RGS12: variants seen among roughly 807,000 people sequenced by gnomAD.
RGS12 encodes the protein regulator of G-protein signaling 12.
RGS12 carries 66 observed loss-of-function variants against 120.1 expected under a neutral mutation model. The ratio of observed to expected loss-of-function variants is 0.55; its 90% CI spans 0.45 to 0.67. The LOEUF is 0.67. RGS12 is among the 30% of genes least tolerant of loss of function. The pLI, the probability that RGS12 is intolerant of heterozygous loss-of-function variation, is 0.00. For missense variants in RGS12, 1,859 were observed against 1,957.7 expected (o/e 0.95, Z 0.95); for synonymous variants, 827 against 804.7 (o/e 1.03, Z -0.47).
upstream of RGS12, among the ~76,000 whole-genome samples, chr4:3,288,613 C>A (rs1722951850): frequency 6.6e-6 from 1 of 152,190 alleles, no homozygotes; most frequent in African/African-American, 2.4e-5. The surrounding 1 kb of genome is among the most constrained non-coding windows in gnomAD (Gnocchi z 5.2). Flanking sequence ...CAAGCAAGCC[C>A]CCAAAGTCTG....
chr4:3,423,572 C>T lies in RGS12; in HGVS notation c.3165C>T (p.Pro1055=), dbSNP rs138192478. 2,109 of 1,612,898 alleles carry T rather than the reference C, an allele frequency of 1.3e-3. 33 individuals are homozygous for T. The East Asian group carries it at 0.035, about 26-fold the overall frequency. ...SVGLKAKPTK[P]VTEVLRPVVA... is the part of the protein sequence containing the mutation. ...GACTCAAGGCCAAGCCCACCAAGCC[C>T]GTCACGGAGGTGCTGCGGCCCGTGG... Residue 1055 remains proline, a synonymous_variant, in exon 13 of 18, where the codon CCC becomes CCT. Transcript: ENST00000336727.
chr4:3,379,442 A>G (rs2108934218), intron 3 of RGS12, among the ~76,000 whole-genome samples: 1 of 152,380 alleles, frequency 6.6e-6, no homozygotes, highest in South Asian at 2.1e-4. Flanking sequence ...CTTGATTGTG[A>G]TAATCATATT....
rs1461705807 is a variant in RGS12, at chr4:3,293,030, G to A, written c.-171G>A. The stretch of plus-strand genomic sequence containing the variant: ...GACCCCGGGGGGCGGTGGCTGCCGA[G>A]GCGACCGTTGCGCGCGCGGGCGGTG... On this transcript the variant is annotated 5_prime_UTR_variant, in exon 1 of 18. Transcript: ENST00000336727. 6.7e-6 allele frequency: 1 copy of A among 149,116 alleles called. No individual in the cohort carries two copies. The highest frequency in any genetic ancestry group is 1.5e-5 in the Non-Finnish European group (1 of 66,648). 9.2% of individuals were successfully genotyped at this position (149,116 alleles called of 1,614,324 possible).
chr4:3,307,136 G>C lies in RGS12; in HGVS notation c.-101-8934G>C, dbSNP rs575130462. 1.6e-4 allele frequency among the ~76,000 whole-genome samples: 24 copies of C among 152,372 alleles called. 1 individual carries two copies. In the East Asian group the frequency reaches 4.4e-3, roughly 28 times the overall value. ...TAACTGCCTCCCCCCACAAGCTTAG[G>C]AGCTTTATGGGATGTGTTGCCGCTG... On this transcript the variant is annotated intron_variant, in intron 1 of 17. Coordinates refer to ENST00000336727, the MANE Select transcript of RGS12 (RefSeq NM_001394154.1).
intron 2 of RGS12, among the ~76,000 whole-genome samples, chr4:3,332,868 AGGCT>A (rs759145841): frequency 6.6e-6 from 1 of 152,176 alleles, no homozygotes; most frequent in Non-Finnish European, 1.5e-5. Context: ...TTTGTCACCC[AGGCT>A]GGAGTGCAGT....
In RGS12 at chr4:3,423,027, C is replaced by T. The variant is rs537597030; in HGVS notation, c.3107+49C>T. 3.7e-5 allele frequency: 54 copies of T among 1,457,688 alleles called. 1 individual carries two copies. The Admixed American group carries it at 4.5e-4, about 12-fold the overall frequency. 90.3% of individuals were successfully genotyped at this position (1,457,688 alleles called of 1,614,324 possible). ...CACCTGAGGCTCCCAGAGCCAACCC[C>T]GTGTGCCCACCACCTGCTGGTCTCT... is the stretch of plus-strand genomic sequence containing the variant. On this transcript the variant is annotated intron_variant, in intron 12 of 17. Coordinates refer to ENST00000336727, the MANE Select transcript of RGS12 (RefSeq NM_001394154.1).
intron 2 of RGS12, among the ~76,000 whole-genome samples, chr4:3,342,170 C>A (rs1373190165): frequency 6.6e-6 from 1 of 152,070 alleles, no homozygotes; most frequent in Non-Finnish European, 1.5e-5. Flanking sequence ...GCCTCAAAAT[C>A]TTGACATAAA....
intron 10 of RGS12, 106 bp from the exon 11 acceptor site, chr4:3,422,270 A>G (rs1723096590): frequency 1.7e-6 from 2 of 1,156,826 alleles, no homozygotes; most frequent in South Asian, 3.1e-5. Context: ...GCAGGGCGCC[A>G]GCCTCCCCAG....
intron 1 of RGS12, chr4:3,313,023 GT>G (rs1724506246): frequency 6.6e-6 from 1 of 152,230 alleles, no homozygotes; most frequent in Non-Finnish European, 1.5e-5. Context: ...CTGCACTCCA[GT>G]CTGGGCAATG....
chr4:3,301,776 C>T (rs978292824), intron 1 of RGS12, among the ~76,000 whole-genome samples: 1 of 150,964 alleles, frequency 6.6e-6, no homozygotes, highest in Non-Finnish European at 1.5e-5. Flanking sequence ...GGGTGGGGGG[C>T]GCAGAGGTGA....
intron 3 of RGS12, among the ~76,000 whole-genome samples, chr4:3,382,236 T>TAA (rs939853582): frequency 6.6e-6 from 1 of 152,208 alleles, no homozygotes; most frequent in Non-Finnish European, 1.5e-5. Flanking sequence ...ACATAACTTC[T>TAA]AAAAGTTCTT....
chr4:3,305,471 C>G (rs1384270263), intron 1 of RGS12, among the ~76,000 whole-genome samples: 1 of 152,234 alleles, frequency 6.6e-6, no homozygotes, highest in Non-Finnish European at 1.5e-5. Flanking sequence ...TAAACTGGCT[C>G]TAGGTGGGCT....
chr4:3,428,065 A>T (rs779844249), intron 14 of RGS12, 25 bp from the exon 15 acceptor site: 1 of 1,604,634 alleles, frequency 6.2e-7, no homozygotes, highest in Non-Finnish European at 8.5e-7. Context: ...GAGTCCCTGA[A>T]GTCATAAAGC....
intron 6 of RGS12, among the ~76,000 whole-genome samples, chr4:3,415,601 C>T (rs574788608): frequency 2.8e-4 from 42 of 152,310 alleles, no homozygotes; most frequent in African/African-American, 9.9e-4. Flanking sequence ...CCTCAGTTGG[C>T]CTGTGGCCTG....
intron 2 of RGS12, chr4:3,342,322 C>G (rs1393436316): frequency 7.0e-6 from 7 of 993,920 alleles, no homozygotes; most frequent in East Asian, 1.4e-4. Context: ...GGGGAAGTGT[C>G]TAGCATAATG....
chr4:3,361,027 G>A (rs1715505357), intron 3 of RGS12, among the ~76,000 whole-genome samples: 3 of 152,234 alleles, frequency 2.0e-5, no homozygotes, highest in Admixed American at 6.5e-5. Context: ...CAGCCTGACT[G>A]CCCACCAGTG....
intron 3 of RGS12, among the ~76,000 whole-genome samples, chr4:3,379,611 C>A (rs1267680515): frequency 6.6e-6 from 1 of 152,098 alleles, no homozygotes; most frequent in East Asian, 1.9e-4. Context: ...TTTCACATGG[C>A]TGGGGAGGCC....
intron 3 of RGS12, among the ~76,000 whole-genome samples, chr4:3,344,076 G>A (rs1467663693): frequency 6.6e-6 from 1 of 152,176 alleles, no homozygotes; most frequent in Non-Finnish European, 1.5e-5. Context: ...GGGCGAGAGT[G>A]TTCTTAGCTG....
chr4:3,303,107 G>C (rs1314944991), intron 1 of RGS12, among the ~76,000 whole-genome samples: 3 of 152,204 alleles, frequency 2.0e-5, no homozygotes. Flanking sequence ...CTGACCGAGG[G>C]GGATGTTGAG....
Sources: allele counts gnomAD v4.1 joint callset (sites outside exome capture counted in the v4.1 genomes callset), GRCh38; gene constraint gnomAD v4.1.1; non-coding constraint Gnocchi (gnomAD v3.1); transcripts MANE v1.5; gene names NCBI Gene and HGNC (gene_info 2026-07-23, HGNC 2026-07-21).